The following PLPPR5 variants were observed in gnomAD, a reference collection of about 807,000 sequenced individuals.
PLPPR5 encodes phospholipid phosphatase related 5, also known as phospholipid phosphatase-related protein type 5.
In PLPPR5, 16 loss-of-function variants were observed where a neutral mutation model predicts 33.9. The ratio of observed to expected loss-of-function variants is 0.47; its 90% CI spans 0.32 to 0.72. The LOEUF is 0.72. Among genes scored for constraint, PLPPR5 ranks in the 30% least tolerant of loss-of-function variants. PLPPR5 has a pLI of 0.03. For synonymous variants in PLPPR5, 163 were observed against 150.3 expected (o/e 1.08, Z -0.62); for missense variants, 301 against 406.7 (o/e 0.74, Z 2.23).
chr1:98,985,671 T>C (rs1390352965), intron 1 of PLPPR5, among the ~76,000 whole-genome samples: 1 of 152,050 alleles, frequency 6.6e-6, no homozygotes, highest in Non-Finnish European at 1.5e-5. Context: ...ATATTTTTAC[T>C]GTACCTCCTC....
intron 1 of PLPPR5, among the ~76,000 whole-genome samples, chr1:98,993,943 GC>G (rs1652543369): frequency 6.6e-6 from 1 of 152,086 alleles, no homozygotes; most frequent in South Asian, 2.1e-4. Context: ...GAGAGGAAAT[GC>G]CACGTTATTT....
chr1:98,902,085 T>C (rs1460989508), intron 5 of PLPPR5, among the ~76,000 whole-genome samples: 1 of 152,068 alleles, frequency 6.6e-6, no homozygotes, highest in Admixed American at 6.6e-5. Flanking sequence ...TTGGATGTAT[T>C]ACTTAACCTA....
chr1:98,911,080 A>G (rs1557665863), intron 5 of PLPPR5, among the ~76,000 whole-genome samples: 1 of 152,160 alleles, frequency 6.6e-6, no homozygotes. Flanking sequence ...ATGTCCTCTC[A>G]GCAGCACAGT....
chr1:98,925,353 C>G (rs1649713843), intron 3 of PLPPR5, among the ~76,000 whole-genome samples: 1 of 152,088 alleles, frequency 6.6e-6, no homozygotes, highest in South Asian at 2.1e-4. Context: ...GCAGGCCAAT[C>G]CATTTAATCA....
intron 1 of PLPPR5, among the ~76,000 whole-genome samples, chr1:98,986,559 G>A (rs1054144592): frequency 6.6e-6 from 1 of 151,640 alleles, no homozygotes; most frequent in Admixed American, 6.6e-5. Context: ...AAGGAATAAG[G>A]GAATAATCTT....
In PLPPR5 at chr1:98,949,277, T is replaced by TA. The variant is rs201590624; in HGVS notation, c.621+3792_621+3793insT. ...AAAAATAGGAATAGAGCTTTTTTTT[T>TA]TTATTATTCCTGAAAATTTTCAGTA... On this transcript the variant is annotated intron_variant, in intron 3 of 5. Transcript: ENST00000263177. Among the ~76,000 whole-genome samples, 1,441 of 151,998 alleles carry TA rather than the reference T, an allele frequency of 9.5e-3. 19 individuals carry two copies. The highest frequency in any genetic ancestry group is 0.033 in the African/African-American group (1,365 of 41,430).
chr1:98,997,795 A>C lies in PLPPR5; in HGVS notation c.237+6640T>G, dbSNP rs116010417. ...AACCTGCTCACATTATATTTTCCTT[A>C]TATGTATGAAGTGGTTTATTGTCTC... On this transcript the variant is annotated intron_variant, in intron 1 of 5. Transcript: ENST00000263177. Among the ~76,000 whole-genome samples, 1,512 of 152,306 alleles carry C rather than the reference A, an allele frequency of 9.9e-3. 27 individuals are homozygous for C. Among genetic ancestry groups the C allele is most frequent in the African/African-American group, 0.034 (1,412 of 41,576 alleles).
At chr1:98,916,339 TA>T (rs1649350916) in intron 4 of PLPPR5, among the ~76,000 whole-genome samples, 1 of 152,174 alleles carries the variant, frequency 6.6e-6, no homozygotes, top group South Asian at 2.1e-4. Context: ...GTTGCCACTT[TA>T]AAGATCTTTA....
chr1:98,899,810 C>T (rs887467999), intron 5 of PLPPR5, among the ~76,000 whole-genome samples: 1 of 152,020 alleles, frequency 6.6e-6, no homozygotes, highest in South Asian at 2.1e-4. Context: ...AGGTACACAC[C>T]ACCACACCCA....
chr1:98,932,822 G>C (rs953692134), intron 3 of PLPPR5, among the ~76,000 whole-genome samples: 4 of 152,264 alleles, frequency 2.6e-5, no homozygotes, highest in South Asian at 4.1e-4. Context: ...GTACATTAGG[G>C]CTATGATGTT....
intron 1 of PLPPR5, among the ~76,000 whole-genome samples, chr1:98,981,187 C>A (rs1224514369): frequency 1.3e-5 from 2 of 151,920 alleles, no homozygotes; most frequent in East Asian, 1.9e-4. Context: ...TTTAGAGGCC[C>A]CATTTTGCAG....
At chr1:99,001,547 T>C (rs968940688) in intron 1 of PLPPR5, among the ~76,000 whole-genome samples, 2 of 151,626 alleles carry the variant, frequency 1.3e-5, no homozygotes, top group Non-Finnish European at 2.9e-5. Context: ...TCAAAATATA[T>C]ATTGTTTTTA....
At chr1:98,907,667 T>A (rs1159942509) in intron 5 of PLPPR5, among the ~76,000 whole-genome samples, 1 of 152,208 alleles carries the variant, frequency 6.6e-6, no homozygotes. Context: ...TCATCAGTTA[T>A]CTCTTAATGA....
intron 3 of PLPPR5, among the ~76,000 whole-genome samples, chr1:98,931,361 A>G (rs1281467336): frequency 6.6e-6 from 1 of 152,070 alleles, no homozygotes; most frequent in East Asian, 1.9e-4. Context: ...CATGCACTCA[A>G]TCAGGTAATC....
chr1:98,948,984 A>G (rs1470233149), intron 3 of PLPPR5, among the ~76,000 whole-genome samples: 1 of 152,224 alleles, frequency 6.6e-6, no homozygotes, highest in Admixed American at 6.5e-5. Context: ...CAGAATTGGA[A>G]GTGACCCGAG....
intron 1 of PLPPR5, among the ~76,000 whole-genome samples, chr1:98,998,311 T>C (rs1173336124): frequency 6.6e-6 from 1 of 152,122 alleles, no homozygotes. Flanking sequence ...GGTTTGCAGA[T>C]CTAGAACCAG....
intron 1 of PLPPR5, among the ~76,000 whole-genome samples, chr1:98,997,996 GA>G (rs1652688025): frequency 6.6e-6 from 1 of 152,034 alleles, no homozygotes; most frequent in African/African-American, 2.4e-5. Context: ...GGTGAAGGGA[GA>G]AAAAAACACT....
chr1:98,974,423 C>T (rs1253040216), intron 1 of PLPPR5, among the ~76,000 whole-genome samples: 1 of 152,104 alleles, frequency 6.6e-6, no homozygotes, highest in Non-Finnish European at 1.5e-5. Flanking sequence ...ATTCTCCACA[C>T]ACACAGCAAA....
chr1:98,994,877 T>C (rs1053266589), intron 1 of PLPPR5, among the ~76,000 whole-genome samples: 4 of 152,058 alleles, frequency 2.6e-5, no homozygotes, highest in Non-Finnish European at 5.9e-5. Context: ...AAAGAAGATA[T>C]ACTTGCAGCC....
Sources: allele counts gnomAD v4.1 joint callset (sites outside exome capture counted in the v4.1 genomes callset), GRCh38; gene constraint gnomAD v4.1.1; transcripts MANE v1.5; gene names NCBI Gene and HGNC (gene_info 2026-07-23, HGNC 2026-07-21).